Variants in IL10RA observed in about 807,000 individuals in gnomAD.
IL10RA encodes the protein interleukin-10 receptor subunit alpha.
In IL10RA, 18 loss-of-function variants were observed where a neutral mutation model predicts 29.6. The ratio of observed to expected loss-of-function variants is 0.61; its 90% CI spans 0.42 to 0.90. The LOEUF is 0.90. IL10RA is among the 40% of genes least tolerant of loss of function. The probability of loss-of-function intolerance (pLI) is 0.00; values close to 1 mark genes in which losing one functional copy is unlikely to be tolerated. For synonymous variants in IL10RA, 292 were observed against 294.1 expected, an observed-to-expected ratio of 0.99 and a Z score of 0.07; for missense variants, 634 against 716.6, an observed-to-expected ratio of 0.88 and a Z score of 1.32.
chr11:117,986,952 C>A, intron 1 of IL10RA: 1 of 758,560 alleles, frequency 1.3e-6, no homozygotes, highest in Non-Finnish European at 2.0e-6. Flanking sequence ...CTTCTCCCAT[C>A]TCACCTTCAT....
chr11:117,988,999 G>T (rs1463647860), intron 2 of IL10RA, among the ~76,000 whole-genome samples: 1 of 152,184 alleles, frequency 6.6e-6, no homozygotes, highest in East Asian at 1.9e-4. Flanking sequence ...GACTTCAGGT[G>T]ATCCACCCGC....
chr11:117,989,526 C>A lies in IL10RA; in HGVS notation c.273C>A (p.Tyr91Ter). The A allele has an allele frequency of 6.2e-7, 1 of 1,614,168 alleles. No individual in the cohort carries two copies. Among genetic ancestry groups the A allele is most frequent in the South Asian group, 1.1e-5 (1 of 91,084 alleles). ...YDLTAVTLDL[Y>*]HSNGYRARVR... ...TTACCGCAGTGACCTTGGACCTGTACCACAGCAATGGCTACCGGGCCAGAG... is the reference window on the plus strand; with the variant it reads ...TTACCGCAGTGACCTTGGACCTGTAACACAGCAATGGCTACCGGGCCAGAG... The change falls in exon 3 of 7, where the codon TAC (tyrosine) becomes TAA (stop). Residue 91 changes from tyrosine to a stop codon, truncating the protein, a stop_gained. Coordinates refer to ENST00000227752, the MANE Select transcript of IL10RA (RefSeq NM_001558.4). LOFTEE classifies it high-confidence loss of function. The surrounding 1 kb of genome is among the most constrained non-coding windows in gnomAD (Gnocchi z 4.5).
In IL10RA at chr11:117,989,735, G is replaced by A. The variant is rs775567904; in HGVS notation, c.367+115G>A. ...CTCACCATGTCTGCCAGCCTCCCTG[G>A]CCGGAGAACTAGTTGCCCAAACAGG... On this transcript the variant is annotated intron_variant, in intron 3 of 6. Coordinates refer to ENST00000227752, the MANE Select transcript of IL10RA (RefSeq NM_001558.4). This position sits in a 1 kb window ranked among gnomAD's most constrained non-coding sequence, Gnocchi z 4.5. 47 of 1,101,218 alleles carry A rather than the reference G, an allele frequency of 4.3e-5. No homozygotes were observed. Among genetic ancestry groups the A allele is most frequent in the Non-Finnish European group, 5.9e-5 (44 of 746,970 alleles). 68.2% of individuals were successfully genotyped at this position (1,101,218 alleles called of 1,614,324 possible).
intron 3 of IL10RA, among the ~76,000 whole-genome samples, chr11:117,991,374 C>T (rs1297313179): frequency 1.3e-5 from 2 of 152,118 alleles, no homozygotes; most frequent in Non-Finnish European, 2.9e-5. Flanking sequence ...TATCTATCAC[C>T]TCAAATATTT....
rs747574092 is a variant in IL10RA at position 117,998,944 on chromosome 11, C to T, written c.1040C>T (p.Thr347Met). 1.4e-5 allele frequency: 23 copies of T among 1,613,272 alleles called. No individual in the cohort carries two copies. The highest frequency in any genetic ancestry group is 5.0e-5 in the Admixed American group (3 of 59,982). The change falls in exon 7 of 7, where the codon ACG (threonine) becomes ATG (methionine). Residue 347 changes from threonine (T) to methionine (M), a missense_variant. Physicochemically the swap from Thr to Met is moderately conservative, Grantham distance 81. Coordinates refer to ENST00000227752, the MANE Select transcript of IL10RA (RefSeq NM_001558.4). ...LPDPHPQADR[T>M]LGNREPPVLG... is the part of the protein sequence containing the mutation. ...GACCCTCACCCCCAGGCTGACAGAACGCTGGGAAACAGGGAGCCCCCTGTG... is the reference window on the plus strand; with the variant it reads ...GACCCTCACCCCCAGGCTGACAGAATGCTGGGAAACAGGGAGCCCCCTGTG...
chr11:118,000,156 A>C lies in IL10RA; in HGVS notation c.*515A>C, dbSNP rs1220865707. Reference sequence around the variant, plus strand: ...GGAAAAAGGAGGATATGATGGTCACATGGGGAACCTCCCCTCATCGGGCCT... The same window carrying C: ...GGAAAAAGGAGGATATGATGGTCACCTGGGGAACCTCCCCTCATCGGGCCT... On this transcript the variant is annotated 3_prime_UTR_variant, in exon 7 of 7. Coordinates refer to ENST00000227752, the MANE Select transcript of IL10RA (RefSeq NM_001558.4). The C allele has an allele frequency of 6.6e-6, 3 of 454,138 alleles. No homozygotes were observed. Among genetic ancestry groups the C allele is most frequent in the Non-Finnish European group, 1.3e-5 (3 of 226,906 alleles). The allele number at this position is 454,138 out of a possible 1,614,324, so 28.1% of individuals were successfully genotyped here.
intron 4 of IL10RA, 127 bp from the exon 5 acceptor site, chr11:117,993,871 GT>G: frequency 1.3e-6 from 1 of 752,506 alleles, no homozygotes; most frequent in Non-Finnish European, 2.4e-6. Flanking sequence ...TAATTGTGGG[GT>G]TTGTCATCTT....
downstream of IL10RA, chr11:118,002,989 A>G (rs2058104743): frequency 6.6e-6 from 1 of 152,256 alleles, no homozygotes; most frequent in Non-Finnish European, 1.5e-5. Flanking sequence ...ATGGGCCACC[A>G]TTGAGTGAAG....
intron 6 of IL10RA, 65 bp from the exon 7 acceptor site, chr11:117,998,650 G>C (rs1037992025): frequency 1.4e-6 from 2 of 1,439,568 alleles, no homozygotes; most frequent in Admixed American, 1.7e-5. Context: ...GGCCTTCCCC[G>C]GCAGCACTGG....
chr11:117,995,743 T>C, intron 6 of IL10RA, 33 bp downstream of exon 6: 1 of 1,607,486 alleles, frequency 6.2e-7, no homozygotes, highest in Non-Finnish European at 8.5e-7. Context: ...TGCCCCGTCC[T>C]TCCCAGCCAC....
downstream of IL10RA, chr11:118,002,831 T>C (rs894531323): frequency 5.3e-5 from 8 of 152,200 alleles, no homozygotes; most frequent in Admixed American, 3.3e-4. Context: ...GCAGATTTCT[T>C]GGGAATTTGG....
chr11:117,993,352 T>G lies in IL10RA; in HGVS notation c.479T>G (p.Ile160Ser). ...MAPANDTYES[I>S]FSHFREYEIA... ...CCCGCAAATGACACATATGAAAGCATCTTCAGTCACTTCCGAGAGTATGAG... is the reference window on the plus strand; with the variant it reads ...CCCGCAAATGACACATATGAAAGCAGCTTCAGTCACTTCCGAGAGTATGAG... The change falls in exon 4 of 7, where the codon ATC (isoleucine) becomes AGC (serine). Residue 160 changes from isoleucine (I) to serine (S), a missense_variant. Transcript: ENST00000227752. 1 of 1,614,136 alleles carries G rather than the reference T, an allele frequency of 6.2e-7. No homozygotes were observed. Among genetic ancestry groups the G allele is most frequent in the Non-Finnish European group, 8.5e-7 (1 of 1,179,952 alleles).
chr11:117,989,313 G>T lies in IL10RA; in HGVS notation c.189-129G>T, dbSNP rs747749827. The stretch of plus-strand genomic sequence containing the variant: ...CACAATGAGCTGCCGTGGACTAGAG[G>T]ATATAGCCTGAGGGCTGTCCCAGTT... On this transcript the variant is annotated intron_variant, in intron 2 of 6. Transcript: ENST00000227752. The surrounding 1 kb of genome is among the most constrained non-coding windows in gnomAD (Gnocchi z 4.5). 4 of 843,046 alleles carry T rather than the reference G, an allele frequency of 4.7e-6. No individual in the cohort carries two copies. The highest frequency in any genetic ancestry group is 2.9e-4 in the Middle Eastern group (1 of 3,466). The allele number at this position is 843,046 out of a possible 1,614,324, so 52.2% of individuals were successfully genotyped here.
At chr11:117,992,409 C>G (rs1223145159) in intron 3 of IL10RA, among the ~76,000 whole-genome samples, 1 of 152,156 alleles carries the variant, frequency 6.6e-6, no homozygotes, top group South Asian at 2.1e-4. Flanking sequence ...GGAGTGGTAT[C>G]TCATTGTGGT....
At position 118,000,921 on chromosome 11, in the gene IL10RA, A is replaced by AT. The variant is rs1452628951; in HGVS notation, c.*1283dup. On this transcript the variant is annotated 3_prime_UTR_variant, in exon 7 of 7. Transcript: ENST00000227752. ...TATGGGCCCTGCCTCCCCATAGGCC[A>AT]TTTGGACTCTGCCTTCAAACAAAGG... 4 of 454,130 alleles carry AT rather than the reference A, an allele frequency of 8.8e-6. No homozygotes were observed. Among genetic ancestry groups the AT allele is most frequent in the Non-Finnish European group, 1.8e-5 (4 of 226,792 alleles). 28.1% of individuals were successfully genotyped at this position (454,130 alleles called of 1,614,324 possible).
chr11:117,991,053 C>T (rs972586517), intron 3 of IL10RA, among the ~76,000 whole-genome samples: 5 of 151,978 alleles, frequency 3.3e-5, no homozygotes, highest in East Asian at 1.9e-4. Flanking sequence ...AAAAATTAGC[C>T]GGGCGTGGTG....
rs1266933694 is a variant in IL10RA at position 117,999,457 on chromosome 11, A to G, written c.1553A>G (p.Gln518Arg). 1.9e-6 allele frequency: 3 copies of G among 1,614,114 alleles called. No individual in the cohort carries two copies. Among genetic ancestry groups the G allele is most frequent in the Non-Finnish European group, 2.5e-6 (3 of 1,180,024 alleles). ...SSGAPTGQWN[Q>R]PTEEWSLLAL... The stretch of plus-strand genomic sequence containing the variant: ...GGGGCCCCAACGGGACAGTGGAACC[A>G]GCCCACTGAGGAATGGTCACTCCTG... The change falls in exon 7 of 7, where the codon CAG becomes CGG. Residue 518 changes from glutamine (Q) to arginine (R), a missense_variant. Physicochemically the swap from Gln to Arg is conservative, Grantham distance 43 (BLOSUM62 1). Transcript: ENST00000227752.
chr11:117,999,938 T>G lies in IL10RA; in HGVS notation c.*297T>G, dbSNP rs927128439. The G allele has an allele frequency of 2.1e-5, 12 of 583,978 alleles. No individual in the cohort carries two copies. Among genetic ancestry groups the G allele is most frequent in the African/African-American group, 1.8e-4 (10 of 54,540 alleles). 36.2% of individuals were successfully genotyped at this position (583,978 alleles called of 1,614,324 possible). A position where few individuals can be genotyped will look rare whatever the true frequency, so the allele number is the denominator to read the frequency against. On this transcript the variant is annotated 3_prime_UTR_variant, in exon 7 of 7. Coordinates refer to ENST00000227752, the MANE Select transcript of IL10RA (RefSeq NM_001558.4). ...GGGACCTTCTCCCTCCTAGGAACTC[T>G]TTCCTGTATCATAAAGGATTATTTG...
chr11:117,999,753 C>A lies in IL10RA; in HGVS notation c.*112C>A. 1.0e-6 allele frequency: 1 copy of A among 975,368 alleles called. No individual in the cohort carries two copies. Among genetic ancestry groups the A allele is most frequent in the Non-Finnish European group, 1.6e-6 (1 of 626,802 alleles). 60.4% of individuals were successfully genotyped at this position (975,368 alleles called of 1,614,324 possible). On this transcript the variant is annotated 3_prime_UTR_variant, in exon 7 of 7. Coordinates refer to ENST00000227752, the MANE Select transcript of IL10RA (RefSeq NM_001558.4). ...ACGAGGCAGTCTGGGCACTTTTCTGCAAGTCCACTGGGGCTGGCCCCAGCC... is the reference window on the plus strand; with the variant it reads ...ACGAGGCAGTCTGGGCACTTTTCTGAAAGTCCACTGGGGCTGGCCCCAGCC...
Sources: gnomAD v4.1 joint callset for allele counts (sites outside exome capture counted in the v4.1 genomes callset) on GRCh38, gnomAD v4.1.1 for gene constraint, Gnocchi (gnomAD v3.1) non-coding constraint, MANE v1.5 for transcripts, NCBI Gene and HGNC (gene_info 2026-07-23, HGNC 2026-07-21) for gene names.